CPQ: variants seen among roughly 807,000 people sequenced by gnomAD.
CPQ encodes the protein carboxypeptidase Q.
A neutral mutation model predicts 45.7 loss-of-function variants in CPQ; 37 were observed. The ratio of observed to expected loss-of-function variants is 0.81; its 90% CI spans 0.62 to 1.07. The LOEUF is 1.07. CPQ is among the 50% of genes least tolerant of loss of function. CPQ has a pLI of 0.00. For synonymous variants in CPQ, 186 were observed against 205.8 expected (o/e 0.90, Z 0.82); for missense variants, 537 against 572.9 (o/e 0.94, Z 0.64).
At chr8:97,135,318 C>T (rs987751042) in intron 7 of CPQ, among the ~76,000 whole-genome samples, 6 of 151,970 alleles carry the variant, frequency 3.9e-5, no homozygotes, top group Admixed American at 2.6e-4. Context: ...TTTTTTCCCC[C>T]TCTTATGAGT....
intron 1 of CPQ, among the ~76,000 whole-genome samples, chr8:96,687,626 CT>C (rs1408989119): frequency 6.6e-6 from 1 of 150,958 alleles, no homozygotes; most frequent in Non-Finnish European, 1.5e-5. Context: ...CTCTTTCATT[CT>C]TTCTTGTTTA....
At chr8:96,786,042 T>C (rs553264535) in intron 2 of CPQ, among the ~76,000 whole-genome samples, 1 of 152,304 alleles carries the variant, frequency 6.6e-6, no homozygotes, top group South Asian at 2.1e-4. Context: ...ATAATTCACA[T>C]ACTATGATGT....
In CPQ at chr8:96,646,978, C is replaced by A. The variant is rs182184101; in HGVS notation, c.-35+1576C>A. On this transcript the variant is annotated intron_variant, in intron 1 of 7. Coordinates refer to ENST00000220763, the MANE Select transcript of CPQ (RefSeq NM_016134.4). ...TTTTCTTCTACATTGTCACAGGCTC[C>A]TGGTCCTGGGTCTGACTTTTTTCCA... Among the ~76,000 whole-genome samples, 70 of 152,296 alleles carry A rather than the reference C, an allele frequency of 4.6e-4. 1 individual carries two copies. The highest frequency in any genetic ancestry group is 1.4e-3 in the Admixed American group (21 of 15,302).
intron 1 of CPQ, among the ~76,000 whole-genome samples, chr8:96,756,125 T>C (rs947619667): frequency 3.3e-5 from 5 of 152,108 alleles, no homozygotes; most frequent in Admixed American, 6.5e-5. Context: ...TTCTTCGATA[T>C]GAAAGAGTAA....
intron 1 of CPQ, among the ~76,000 whole-genome samples, chr8:96,729,249 G>T (rs1215776845): frequency 6.6e-6 from 1 of 152,154 alleles, no homozygotes; most frequent in African/African-American, 2.4e-5. Flanking sequence ...ATTCCTTGTT[G>T]GGCATGAAGC....
intron 4 of CPQ, among the ~76,000 whole-genome samples, chr8:96,923,912 C>T (rs926084930): frequency 2.6e-5 from 4 of 152,186 alleles, no homozygotes; most frequent in East Asian, 1.9e-4. Context: ...CTTTGTAGAA[C>T]GTGCCTCAGA....
intron 2 of CPQ, among the ~76,000 whole-genome samples, chr8:96,795,433 T>A (rs1810915812): frequency 1.3e-5 from 2 of 152,204 alleles, no homozygotes; most frequent in African/African-American, 4.8e-5. Flanking sequence ...AGATGAAATT[T>A]GGGTGGGGAC....
At chr8:96,890,664 C>T (rs914684254) in intron 4 of CPQ, among the ~76,000 whole-genome samples, 2 of 152,198 alleles carry the variant, frequency 1.3e-5, no homozygotes, top group African/African-American at 4.8e-5. Context: ...CCTTCTTAGC[C>T]TGTTGACTTA....
intron 7 of CPQ, among the ~76,000 whole-genome samples, chr8:97,134,231 T>G (rs1812008024): frequency 6.6e-6 from 1 of 152,246 alleles, no homozygotes; most frequent in Non-Finnish European, 1.5e-5. Context: ...GCATTGAGGA[T>G]TGGGGTGAAA....
chr8:96,833,506 C>A (rs1361867194), intron 2 of CPQ, among the ~76,000 whole-genome samples: 1 of 152,164 alleles, frequency 6.6e-6, no homozygotes, highest in Non-Finnish European at 1.5e-5. Flanking sequence ...TCATTAGGAG[C>A]AGCTGCAAAC....
intron 7 of CPQ, among the ~76,000 whole-genome samples, chr8:97,095,496 G>C (rs1220402714): frequency 6.6e-6 from 1 of 152,032 alleles, no homozygotes; most frequent in Non-Finnish European, 1.5e-5. Flanking sequence ...ATTGCTCCCA[G>C]TTGTCTTCCC....
At chr8:96,727,430 C>A (rs1215054282) in intron 1 of CPQ, among the ~76,000 whole-genome samples, 4 of 152,164 alleles carry the variant, frequency 2.6e-5, no homozygotes, top group Non-Finnish European at 5.9e-5. Flanking sequence ...TTGCTCCTGA[C>A]ATAAGGTATA....
chr8:96,699,963 C>T (rs184043850), intron 1 of CPQ, among the ~76,000 whole-genome samples: 2 of 152,240 alleles, frequency 1.3e-5, no homozygotes, highest in Admixed American at 1.3e-4. Flanking sequence ...GTTGTGTTTC[C>T]CTCCCTTTCC....
chr8:96,830,758 T>C (rs1299873523), intron 2 of CPQ, among the ~76,000 whole-genome samples: 1 of 152,180 alleles, frequency 6.6e-6, no homozygotes, highest in Non-Finnish European at 1.5e-5. Context: ...CCCTGATCGA[T>C]GAGCAAGATT....
At chr8:96,978,458 A>G (rs915989892) in intron 5 of CPQ, among the ~76,000 whole-genome samples, 7 of 152,206 alleles carry the variant, frequency 4.6e-5, no homozygotes, top group African/African-American at 1.7e-4. Context: ...CTACATGAAT[A>G]TTGCTGTTGT....
At chr8:96,807,455 G>A (rs537511458) in intron 2 of CPQ, among the ~76,000 whole-genome samples, 15 of 152,002 alleles carry the variant, frequency 9.9e-5, no homozygotes, top group African/African-American at 3.4e-4. Context: ...GGATGGTCTC[G>A]ATCTCCTGAC....
intron 2 of CPQ, among the ~76,000 whole-genome samples, chr8:96,799,878 G>A (rs186335254): frequency 6.6e-6 from 1 of 152,070 alleles, no homozygotes; most frequent in African/African-American, 2.4e-5. Flanking sequence ...TTGCCTCATG[G>A]TAGATCTTTT....
At position 96,843,632 on chromosome 8, in the gene CPQ, G is replaced by A. The variant is rs117222234; in HGVS notation, c.641+8452G>A. On this transcript the variant is annotated intron_variant, in intron 3 of 7. Coordinates refer to ENST00000220763, the MANE Select transcript of CPQ (RefSeq NM_016134.4). ...TGTGTGTCTTACTCATCTGGGTATC[G>A]CCAGGGCTGTGCTCTATACCTGGCA... 2.1e-3 allele frequency among the ~76,000 whole-genome samples: 323 copies of A among 152,256 alleles called. 3 individuals carry two copies. Among genetic ancestry groups the A allele is most frequent in the Non-Finnish European group, 3.4e-3 (232 of 68,032 alleles).
intron 2 of CPQ, among the ~76,000 whole-genome samples, chr8:96,798,410 T>G (rs1586405193): frequency 6.6e-6 from 1 of 152,110 alleles, no homozygotes; most frequent in Non-Finnish European, 1.5e-5. Context: ...AGTGCTGGGA[T>G]TACAAGCATA....
Sources: allele counts gnomAD v4.1 joint callset (sites outside exome capture counted in the v4.1 genomes callset), GRCh38; gene constraint gnomAD v4.1.1; transcripts MANE v1.5; gene names NCBI Gene and HGNC (gene_info 2026-07-23, HGNC 2026-07-21).